The following SCAPER variants were observed in gnomAD, a reference collection of about 807,000 sequenced individuals.
SCAPER encodes the protein S-phase cyclin A associated protein in the ER.
A neutral mutation model predicts 182.2 loss-of-function variants in SCAPER; 98 were observed. The observed-to-expected ratio is 0.54, with a 90% CI of 0.46 to 0.64. The LOEUF is 0.64. Among genes scored for constraint, SCAPER ranks in the 30% least tolerant of loss-of-function variants. The probability of loss-of-function intolerance (pLI) is 0.00; values close to 1 mark genes in which losing one functional copy is unlikely to be tolerated. For missense variants in SCAPER, 1,432 were observed against 1,690.0 expected (o/e 0.85, Z 2.68); for synonymous variants, 605 against 564.6 (o/e 1.07, Z -1.01).
chr15:76,471,069 G>T, intron 25 of SCAPER, 143 bp downstream of exon 25: 2 of 786,748 alleles, frequency 2.5e-6, no homozygotes, highest in Non-Finnish European at 3.6e-6. Flanking sequence ...TATTCTCACA[G>T]TCATCTTCAC....
At chr15:76,536,844 A>G (rs947500146) in intron 23 of SCAPER, among the ~76,000 whole-genome samples, 4 of 152,120 alleles carry the variant, frequency 2.6e-5, no homozygotes, top group Admixed American at 6.5e-5. Context: ...AAATCTCCTT[A>G]AGCTGATAAG....
At chr15:76,774,775 T>C (rs1344732505) in intron 9 of SCAPER, 80 bp downstream of exon 9, 8 of 1,420,340 alleles carry the variant, frequency 5.6e-6, no homozygotes, top group Middle Eastern at 1.9e-4. Context: ...AAAAATGAAG[T>C]ACAAAACTAA....
At chr15:76,742,757 TA>T (rs568446939) in intron 15 of SCAPER, among the ~76,000 whole-genome samples, 14 of 151,790 alleles carry the variant, frequency 9.2e-5, no homozygotes, top group African/African-American at 3.4e-4. Flanking sequence ...CAAGGACTCA[TA>T]AAAAGCATAC....
intron 26 of SCAPER, among the ~76,000 whole-genome samples, chr15:76,409,581 A>G (rs972515261): frequency 1.3e-5 from 2 of 151,944 alleles, no homozygotes; most frequent in East Asian, 3.9e-4. Context: ...ATTAGGTAAT[A>G]TATCCATGTA....
chr15:76,512,821 C>T (rs1222324476), intron 23 of SCAPER, among the ~76,000 whole-genome samples: 1 of 143,792 alleles, frequency 7.0e-6, no homozygotes, highest in Non-Finnish European at 1.5e-5. Context: ...TACTAATGTA[C>T]TATTGGAAAC....
At chr15:76,459,583 C>T (rs1019510970) in intron 25 of SCAPER, among the ~76,000 whole-genome samples, 4 of 142,504 alleles carry the variant, frequency 2.8e-5, no homozygotes, top group Non-Finnish European at 6.1e-5. Context: ...ATATTAATTG[C>T]TTGTTGGATG....
intron 2 of SCAPER, among the ~76,000 whole-genome samples, chr15:76,879,034 T>C (rs1156620306): frequency 2.6e-5 from 4 of 152,200 alleles, no homozygotes; most frequent in African/African-American, 9.6e-5. Flanking sequence ...GAAATGAAAC[T>C]GGTAGCCCCA....
At chr15:76,494,892 A>G (rs2040351180) in intron 24 of SCAPER, among the ~76,000 whole-genome samples, 1 of 152,202 alleles carries the variant, frequency 6.6e-6, no homozygotes, top group African/African-American at 2.4e-5. Flanking sequence ...GATAGCATGC[A>G]GGCAATAAGG....
At chr15:76,421,126 G>A (rs2046006510) in intron 26 of SCAPER, among the ~76,000 whole-genome samples, 1 of 152,128 alleles carries the variant, frequency 6.6e-6, no homozygotes, top group African/African-American at 2.4e-5. Flanking sequence ...AATCCTTTGG[G>A]TATATACCCA....
At chr15:76,536,524 A>G (rs1016434257) in intron 23 of SCAPER, among the ~76,000 whole-genome samples, 2 of 152,214 alleles carry the variant, frequency 1.3e-5, no homozygotes, top group African/African-American at 2.4e-5. Flanking sequence ...AAGTGTTACA[A>G]GAGAATAAAT....
intron 27 of SCAPER, among the ~76,000 whole-genome samples, chr15:76,391,883 T>G (rs911305308): frequency 4.6e-5 from 7 of 152,218 alleles, no homozygotes; most frequent in African/African-American, 1.7e-4. Flanking sequence ...AAATGGTATG[T>G]TCCATCTCAT....
At chr15:76,367,689 C>T (rs2041901285) in intron 29 of SCAPER, among the ~76,000 whole-genome samples, 6 of 152,072 alleles carry the variant, frequency 3.9e-5, no homozygotes, top group Admixed American at 3.9e-4. Context: ...GAGCATGCGG[C>T]ACTTTGAACT....
intron 20 of SCAPER, among the ~76,000 whole-genome samples, chr15:76,675,042 G>C (rs567820091): frequency 2.0e-4 from 31 of 152,260 alleles, no homozygotes; most frequent in African/African-American, 7.5e-4. Flanking sequence ...AGTACTTATG[G>C]AGAGCGGATG....
chr15:76,374,435 C>CT (rs1199703741), intron 29 of SCAPER, among the ~76,000 whole-genome samples: 3 of 150,440 alleles, frequency 2.0e-5, no homozygotes, highest in South Asian at 4.2e-4. Flanking sequence ...TGTTCAGAGG[C>CT]TTTTTTTAAT....
chr15:76,612,294 GT>G (rs2051070606), intron 22 of SCAPER, among the ~76,000 whole-genome samples: 2 of 152,156 alleles, frequency 1.3e-5, no homozygotes, highest in Non-Finnish European at 2.9e-5. Flanking sequence ...CTGGGGTGCA[GT>G]AGTGCAATTT....
chr15:76,769,895 A>T (rs936924931), intron 10 of SCAPER, among the ~76,000 whole-genome samples: 2 of 152,198 alleles, frequency 1.3e-5, no homozygotes, highest in African/African-American at 4.8e-5. Context: ...CGATAAAGAC[A>T]CACGCACACG....
intron 2 of SCAPER, among the ~76,000 whole-genome samples, chr15:76,877,039 C>T (rs1027948090): frequency 3.9e-5 from 6 of 151,906 alleles, no homozygotes; most frequent in African/African-American, 1.5e-4. Flanking sequence ...AGTTCAAGAC[C>T]AGCCTGGGAA....
intron 23 of SCAPER, among the ~76,000 whole-genome samples, chr15:76,512,315 A>G (rs1264316822): frequency 6.6e-6 from 1 of 152,088 alleles, no homozygotes; most frequent in Non-Finnish European, 1.5e-5. Context: ...AATGAGCTTC[A>G]TGACCAAAGA....
chr15:76,493,882 G>A (rs905232161), intron 24 of SCAPER, among the ~76,000 whole-genome samples: 2 of 152,012 alleles, frequency 1.3e-5, no homozygotes, highest in African/African-American at 4.8e-5. Flanking sequence ...TATGTCAAAT[G>A]GAGAAGAGTA....
Sources: allele counts gnomAD v4.1 joint callset (sites outside exome capture counted in the v4.1 genomes callset), GRCh38; gene constraint gnomAD v4.1.1; transcripts MANE v1.5; gene names NCBI Gene and HGNC (gene_info 2026-07-23, HGNC 2026-07-21).